The following B3GNT7 variants were observed in gnomAD, a reference collection of about 807,000 sequenced individuals.
B3GNT7 encodes UDP-GlcNAc:betaGal beta-1,3-N-acetylglucosaminyltransferase 7.
In B3GNT7, 9 loss-of-function variants were observed where a neutral mutation model predicts 5.1. The observed-to-expected ratio is 1.77, with a 90% CI of 1.07 to 3.09. The LOEUF is 3.09. B3GNT7 is among the 30% of genes most tolerant of loss of function. The pLI, the probability that B3GNT7 is intolerant of heterozygous loss-of-function variation, is 0.00. For missense variants in B3GNT7, 468 were observed against 550.8 expected (o/e 0.85, Z 1.50); for synonymous variants, 253 against 248.6 (o/e 1.02, Z -0.17).
rs760145688 is a variant in B3GNT7 at position 231,397,892 on chromosome 2, C to G, written c.173C>G (p.Pro58Arg). 3 of 1,613,850 alleles carry G rather than the reference C, an allele frequency of 1.9e-6. No homozygotes were observed. The highest frequency in any genetic ancestry group is 8.5e-7 in the Non-Finnish European group (1 of 1,179,882). Residue 58 changes from proline to arginine, a missense_variant, in exon 2 of 2, where the codon CCC becomes CGC. Physicochemically the swap from Pro to Arg is moderately radical, Grantham distance 103. Transcript: ENST00000287590. ...AQKPNGQLVN[P>R]NNFWKNPKDV... Reference sequence around the variant, plus strand: ...AAGCCAAATGGACAGCTGGTGAACCCCAACAACTTCTGGAAGAACCCGAAA... The same window carrying G: ...AAGCCAAATGGACAGCTGGTGAACCGCAACAACTTCTGGAAGAACCCGAAA...
Position 231,397,896 on chromosome 2 carries a change from C to A in B3GNT7, c.177C>A (p.Asn59Lys), listed in dbSNP as rs1446398150. The A allele has an allele frequency of 1.9e-6, 3 of 1,613,742 alleles. No homozygotes were observed. The highest frequency in any genetic ancestry group is 1.3e-5 in the African/African-American group (1 of 74,946). Residue 59 changes from asparagine (N) to lysine (K), a missense_variant, in exon 2 of 2, where the codon AAC (asparagine) becomes AAA (lysine). Asn to Lys is a moderately conservative substitution (Grantham distance 94). Coordinates refer to ENST00000287590, the MANE Select transcript of B3GNT7 (RefSeq NM_145236.3). The part of the protein sequence containing the change: ...QKPNGQLVNP[N>K]NFWKNPKDVA... ...CAAATGGACAGCTGGTGAACCCCAA[C>A]AACTTCTGGAAGAACCCGAAAGATG...
Sources: gnomAD v4.1 joint callset for allele counts on GRCh38, gnomAD v4.1.1 for gene constraint, MANE v1.5 for transcripts, NCBI Gene and HGNC (gene_info 2026-07-23, HGNC 2026-07-21) for gene names.